The following KAT6A variants were observed in gnomAD, a reference collection of about 807,000 sequenced individuals.
KAT6A encodes the protein histone acetyltransferase KAT6A.
A neutral mutation model predicts 198.4 loss-of-function variants in KAT6A; 9 were observed. The observed-to-expected ratio is 0.05, with a 90% CI of 0.03 to 0.08. KAT6A has a LOEUF of 0.08. Among genes scored for constraint, KAT6A ranks in the 10% least tolerant of loss-of-function variants. The probability of loss-of-function intolerance (pLI) is 1.00; values close to 1 mark genes in which losing one functional copy is unlikely to be tolerated. For missense variants in KAT6A, 2,077 were observed against 2,509.9 expected (o/e 0.83, Z 3.69); for synonymous variants, 890 against 883.0 (o/e 1.01, Z -0.14).
chr8:41,984,362 A>T (rs778970082), intron 3 of KAT6A, among the ~76,000 whole-genome samples: 1 of 152,206 alleles, frequency 6.6e-6, no homozygotes, highest in Non-Finnish European at 1.5e-5. Flanking sequence ...GCAGGCATGC[A>T]TGCAGTCCTG....
chr8:42,010,995 A>T (rs895966835), intron 2 of KAT6A, among the ~76,000 whole-genome samples: 1 of 152,212 alleles, frequency 6.6e-6, no homozygotes, highest in African/African-American at 2.4e-5. Flanking sequence ...GAGAGCAGAG[A>T]TAAGAGGAGA....
At chr8:41,967,140 A>G (rs1307761629) in intron 8 of KAT6A, among the ~76,000 whole-genome samples, 2 of 152,186 alleles carry the variant, frequency 1.3e-5, no homozygotes, top group African/African-American at 4.8e-5. Flanking sequence ...ATCAGAAAGC[A>G]TTAAAATCTG....
rs1824106525 is a variant in KAT6A, at chr8:41,977,269, T to C, written c.1102A>G (p.Ile368Val). The change falls in exon 7 of 17, where the codon ATC becomes GTC. Residue 368 changes from isoleucine (I) to valine (V), a missense_variant. Around this residue, in one of 13 missense-constraint regions of KAT6A, gnomAD observed 206 missense variants for 214.9 expected, o/e 0.96. Transcript: ENST00000265713. ...TGPGRGRKRK[I>V]TLSSQSASSS... ...GATGCTGATTGGCTGGAAAGAGTGA[T>C]TTTTCGTTTCCTACCCCTTCCAGGG... The C allele has an allele frequency of 2.5e-6, 4 of 1,614,142 alleles. No individual in the cohort carries two copies. Among genetic ancestry groups the C allele is most frequent in the Non-Finnish European group, 3.4e-6 (4 of 1,179,992 alleles).
chr8:42,050,664 T>C (rs148205236), intron 1 of KAT6A, among the ~76,000 whole-genome samples: 25 of 152,292 alleles, frequency 1.6e-4, no homozygotes, highest in East Asian at 3.9e-4. Flanking sequence ...CTCAAGAGGA[T>C]AGAAATCAGA....
Position 41,934,312 on chromosome 8 carries a change from T to A in KAT6A, c.3908A>T (p.Asp1303Val). The A allele has an allele frequency of 6.2e-7, 1 of 1,614,150 alleles. No homozygotes were observed. The highest frequency in any genetic ancestry group is 8.5e-7 in the Non-Finnish European group (1 of 1,180,034). The change falls in exon 17 of 17, where the codon GAT becomes GTT. Residue 1303 changes from aspartate to valine, a missense_variant. By Grantham distance (152) the Asp-to-Val change is radical. This residue lies in a region of KAT6A where 375 missense variants were observed against 383.0 expected (regional missense o/e 0.98). Coordinates refer to ENST00000265713, the MANE Select transcript of KAT6A (RefSeq NM_006766.5). ...ATTCTGGGCAGTCTCTGCAGCTGCA[T>A]CTTCCTCCTCCTCTGGCTCTGGCTC... Reference protein sequence around the residue: ...LEEPEPEEEEDAAAETAQNDD... With the variant: ...LEEPEPEEEEVAAAETAQNDD...
intron 2 of KAT6A, among the ~76,000 whole-genome samples, chr8:42,027,717 G>A (rs1009818824): frequency 1.3e-5 from 2 of 151,630 alleles, no homozygotes; most frequent in Admixed American, 1.3e-4. Context: ...TATCAATTTT[G>A]TCTTTTTAAA....
At chr8:41,984,927 G>A (rs897578498) in intron 3 of KAT6A, among the ~76,000 whole-genome samples, 1 of 150,378 alleles carries the variant, frequency 6.6e-6, no homozygotes, top group Non-Finnish European at 1.5e-5. Context: ...AGCTTGCAGT[G>A]AGCCGAGATC....
At chr8:42,033,395 C>T (rs978672852) in intron 2 of KAT6A, among the ~76,000 whole-genome samples, 3 of 152,162 alleles carry the variant, frequency 2.0e-5, no homozygotes, top group South Asian at 2.1e-4. Flanking sequence ...TTTAAAAATA[C>T]AGAAGCATAT....
chr8:42,027,051 AATGTATCAC>A (rs751720991), intron 2 of KAT6A, among the ~76,000 whole-genome samples: 32 of 152,340 alleles, frequency 2.1e-4, no homozygotes, highest in Non-Finnish European at 4.3e-4. Flanking sequence ...CTATTGATGC[AATGTATCAC>A]ATTTATTGAT....
intron 2 of KAT6A, among the ~76,000 whole-genome samples, chr8:42,044,607 A>G (rs1827822318): frequency 6.6e-6 from 1 of 152,184 alleles, no homozygotes; most frequent in African/African-American, 2.4e-5. Context: ...AAAAAAACAA[A>G]AAGTTAGAAT....
chr8:41,934,479 A>G lies in KAT6A; in HGVS notation c.3741T>C (p.Ser1247=). 3 of 1,609,460 alleles carry G rather than the reference A, an allele frequency of 1.9e-6. No homozygotes were observed. Among genetic ancestry groups the G allele is most frequent in the Middle Eastern group, 1.7e-4 (1 of 6,058 alleles). The stretch of plus-strand genomic sequence containing the variant: ...CTGCTGGAGAGGCTGCTGGGACTTC[A>G]CTGCTGGCTGCATCCTCTTCCTCAC... ...EEGEEEDAAS[S]EVPAASPADS... The change falls in exon 17 of 17, where the codon AGT becomes AGC. Residue 1247 remains serine, a synonymous_variant. Coordinates refer to ENST00000265713, the MANE Select transcript of KAT6A (RefSeq NM_006766.5).
intron 2 of KAT6A, among the ~76,000 whole-genome samples, chr8:42,017,950 A>G (rs991223186): frequency 6.6e-6 from 1 of 152,192 alleles, no homozygotes; most frequent in Admixed American, 6.5e-5. Flanking sequence ...TTGAATGACT[A>G]AAGGGAAACC....
intron 2 of KAT6A, among the ~76,000 whole-genome samples, chr8:42,011,125 A>G (rs531429912): frequency 1.3e-5 from 2 of 152,274 alleles, no homozygotes; most frequent in South Asian, 4.1e-4. Context: ...CAAGGGCTTC[A>G]GTCACTTGCA....
intron 2 of KAT6A, among the ~76,000 whole-genome samples, chr8:42,003,484 A>T (rs1354840372): frequency 1.3e-5 from 2 of 148,712 alleles, no homozygotes; most frequent in African/African-American, 2.5e-5. Context: ...ATGGGGTTGT[A>T]GCTGATTCAG....
intron 9 of KAT6A, 148 bp downstream of exon 9, chr8:41,955,148 C>G (rs1487679059): frequency 3.5e-6 from 2 of 575,890 alleles, no homozygotes. Context: ...GAAGTGGCTG[C>G]CAAAGCCGCT....
At chr8:41,989,652 A>G (rs1320833708) in intron 2 of KAT6A, among the ~76,000 whole-genome samples, 1 of 152,256 alleles carries the variant, frequency 6.6e-6, no homozygotes, top group African/African-American at 2.4e-5. Flanking sequence ...GAGAGATCTG[A>G]AATTTAAGAC....
intron 10 of KAT6A, 145 bp from the exon 11 acceptor site, chr8:41,948,057 C>T: frequency 1.8e-6 from 1 of 565,864 alleles, no homozygotes; most frequent in Non-Finnish European, 2.9e-6. Flanking sequence ...ACCTGGAAGC[C>T]ATCCTTTGAA....
chr8:41,941,395 A>G lies in KAT6A; in HGVS notation c.2486T>C (p.Val829Ala), dbSNP rs147691036. The change falls in exon 15 of 17, where the codon GTA becomes GCA. Residue 829 changes from valine (V) to alanine (A), a missense_variant. Around this residue, in one of 13 missense-constraint regions of KAT6A, gnomAD observed 301 missense variants for 272.2 expected, o/e 1.11. Transcript: ENST00000265713. ...AACTTCTGGTTTCTTTTCACTTTCT[A>G]CTGAATAAGAATCTTGTTCTTTGTT... ...HENKEQDSYS[V>A]ESEKKPEVMA... is the part of the protein sequence containing the mutation. The G allele has an allele frequency of 2.1e-5, 34 of 1,609,322 alleles. No individual in the cohort carries two copies. In the African/African-American group the frequency reaches 4.0e-4, roughly 19 times the overall value.
chr8:42,029,574 T>G (rs922511822), intron 2 of KAT6A, among the ~76,000 whole-genome samples: 11 of 151,438 alleles, frequency 7.3e-5, no homozygotes, highest in Admixed American at 1.3e-4. Context: ...TTTTTGTTTT[T>G]TTTTTTTTGA....
Sources: gnomAD v4.1 joint callset for allele counts (sites outside exome capture counted in the v4.1 genomes callset) on GRCh38, gnomAD v4.1.1 for gene constraint, gnomAD v4.1.1 regional missense constraint, MANE v1.5 for transcripts, NCBI Gene and HGNC (gene_info 2026-07-23, HGNC 2026-07-21) for gene names.